Variants in ADARB2 observed in about 807,000 individuals in gnomAD.
ADARB2 encodes inactive double-stranded RNA-specific editase B2.
A neutral mutation model predicts 62.2 loss-of-function variants in ADARB2; 25 were observed. That is an observed-to-expected ratio of 0.40 (90% CI 0.29 to 0.56). The LOEUF (loss-of-function observed/expected upper bound fraction) is 0.56, where lower values mean the gene tolerates loss of function less well. ADARB2 is among the 20% of genes least tolerant of loss of function. The pLI is 0.43. For missense variants in ADARB2, 1,071 were observed against 1,077.4 expected (o/e 0.99, Z 0.08); for synonymous variants, 572 against 500.8 (o/e 1.14, Z -1.90).
chr10:1,287,282 T>C (rs572684358), intron 3 of ADARB2, among the ~76,000 whole-genome samples: 161 of 152,356 alleles, frequency 1.1e-3, no homozygotes, highest in Non-Finnish European at 1.9e-3. Context: ...AAATAATAAT[T>C]GTATATATGT....
chr10:1,626,794 A>G (rs1833775767), intron 1 of ADARB2, among the ~76,000 whole-genome samples: 1 of 152,214 alleles, frequency 6.6e-6, no homozygotes, highest in Admixed American at 6.5e-5. Context: ...CCCGATTGTT[A>G]CATGTTGTAT....
chr10:1,485,672 C>G (rs1336452197), intron 1 of ADARB2, among the ~76,000 whole-genome samples: 1 of 152,204 alleles, frequency 6.6e-6, no homozygotes, highest in East Asian at 1.9e-4. Context: ...CTTGTCACAA[C>G]ACGTGCCCCG....
chr10:1,701,960 T>C (rs556500543), intron 1 of ADARB2, among the ~76,000 whole-genome samples: 2 of 152,244 alleles, frequency 1.3e-5, no homozygotes, highest in African/African-American at 4.8e-5. Flanking sequence ...TAGAGGCGTG[T>C]GTATGCTTGG....
chr10:1,458,723 CTACAT>C (rs1264734250), intron 1 of ADARB2, among the ~76,000 whole-genome samples: 1 of 152,200 alleles, frequency 6.6e-6, no homozygotes, highest in East Asian at 1.9e-4. Flanking sequence ...CGGTAGCCAC[CTACAT>C]GAACCTCATG....
chr10:1,258,530 A>C lies in ADARB2; in HGVS notation c.1192+12425T>G, dbSNP rs530215505. Reference sequence around the variant, plus strand: ...CTCTAATAAAACAGTCTTTAAACCAACAAAGATCAAAAGAGACAAAGAAGG... The same window carrying C: ...CTCTAATAAAACAGTCTTTAAACCACCAAAGATCAAAAGAGACAAAGAAGG... On this transcript the variant is annotated intron_variant, in intron 4 of 9. Coordinates refer to ENST00000381312, the MANE Select transcript of ADARB2 (RefSeq NM_018702.4). Among the ~76,000 whole-genome samples, 383 of 152,342 alleles carry C rather than the reference A, an allele frequency of 2.5e-3. 2 individuals are homozygous for C. The highest frequency in any genetic ancestry group is 8.8e-3 in the African/African-American group (366 of 41,580).
chr10:1,362,793 C>T (rs1276997776), intron 3 of ADARB2, among the ~76,000 whole-genome samples: 1 of 152,224 alleles, frequency 6.6e-6, no homozygotes, highest in Non-Finnish European at 1.5e-5. Flanking sequence ...TGGCCGCTCC[C>T]CACCCGGCCT....
chr10:1,559,813 C>T (rs928112659), intron 1 of ADARB2, among the ~76,000 whole-genome samples: 13 of 152,190 alleles, frequency 8.5e-5, no homozygotes, highest in African/African-American at 2.9e-4. Flanking sequence ...AATGATAGGA[C>T]TAAGCAAGCA....
chr10:1,356,373 G>A (rs1052457207), intron 3 of ADARB2, among the ~76,000 whole-genome samples: 2 of 152,238 alleles, frequency 1.3e-5, no homozygotes, highest in Admixed American at 1.3e-4. Flanking sequence ...GCAGCCAGCT[G>A]GGGTGGAAGG....
intron 1 of ADARB2, chr10:1,675,522 A>G: frequency 1.0e-6 from 1 of 967,564 alleles, no homozygotes; most frequent in Admixed American, 6.2e-5. Context: ...GGATGCGTGG[A>G]TGTTCAGGAG....
At chr10:1,471,365 G>C (rs980452138) in intron 1 of ADARB2, among the ~76,000 whole-genome samples, 3 of 152,110 alleles carry the variant, frequency 2.0e-5, no homozygotes, top group African/African-American at 7.2e-5. Flanking sequence ...GGGGGGCCGG[G>C]AGTAAAACTA....
intron 1 of ADARB2, among the ~76,000 whole-genome samples, chr10:1,721,238 T>C (rs913791290): frequency 2.0e-5 from 3 of 152,218 alleles, no homozygotes; most frequent in African/African-American, 7.2e-5. Flanking sequence ...AAGTCACTTT[T>C]TAAAAATAAA....
At position 1,180,490 on chromosome 10, in the gene ADARB2, G is replaced by A. The variant is rs1417137518; in HGVS notation, c.*2703C>T. 2.6e-5 allele frequency: 4 copies of A among 152,794 alleles called. No individual in the cohort carries two copies. Among genetic ancestry groups the A allele is most frequent in the Non-Finnish European group, 5.8e-5 (4 of 68,536 alleles). 9.5% of individuals were successfully genotyped at this position (152,794 alleles called of 1,614,324 possible). On this transcript the variant is annotated 3_prime_UTR_variant, in exon 10 of 10. Transcript: ENST00000381312. The stretch of plus-strand genomic sequence containing the variant: ...CCCCTTCGGGCACTCCTGGCACTGT[G>A]GAATCCTAGGACCTGGCCCTTCCTG...
chr10:1,316,917 C>T (rs912727554), intron 3 of ADARB2, among the ~76,000 whole-genome samples: 2 of 152,192 alleles, frequency 1.3e-5, no homozygotes, highest in African/African-American at 4.8e-5. Flanking sequence ...GTTTTGTGTG[C>T]GTGTGTCTGT....
intron 8 of ADARB2, among the ~76,000 whole-genome samples, chr10:1,189,826 G>GTTCACAGCACAA (rs1564215050): frequency 1.0e-5 from 1 of 97,986 alleles, no homozygotes; most frequent in African/African-American, 4.8e-5. Flanking sequence ...TCCTTCCCCA[G>GTTCACAGCACAA]AACACGTGGC....
At chr10:1,485,485 T>C (rs1264435878) in intron 1 of ADARB2, among the ~76,000 whole-genome samples, 1 of 152,012 alleles carries the variant, frequency 6.6e-6, no homozygotes, top group Non-Finnish European at 1.5e-5. Flanking sequence ...ACCACGCAGC[T>C]CCGCACGCAG....
chr10:1,351,454 C>T (rs56316168), intron 3 of ADARB2, among the ~76,000 whole-genome samples: 3 of 151,248 alleles, frequency 2.0e-5, no homozygotes, highest in Admixed American at 6.6e-5. Context: ...TTAGACAATA[C>T]TCTTTTAAGT....
intron 1 of ADARB2, among the ~76,000 whole-genome samples, chr10:1,501,182 C>T (rs569999687): frequency 1.3e-5 from 2 of 152,242 alleles, no homozygotes; most frequent in South Asian, 2.1e-4. Flanking sequence ...CTCTAGTGTA[C>T]CTTTTTAAAG....
chr10:1,567,220 G>A (rs1406542659), intron 1 of ADARB2, among the ~76,000 whole-genome samples: 1 of 151,986 alleles, frequency 6.6e-6, no homozygotes, highest in East Asian at 1.9e-4. Flanking sequence ...TGATGCCTGT[G>A]CATTTGGAAG....
intron 1 of ADARB2, among the ~76,000 whole-genome samples, chr10:1,413,703 C>T (rs1462092449): frequency 6.6e-6 from 1 of 152,226 alleles, no homozygotes; most frequent in Non-Finnish European, 1.5e-5. Context: ...CCAGCGACCT[C>T]TCAGCCTCAC....
Sources: gnomAD v4.1 joint callset for allele counts (sites outside exome capture counted in the v4.1 genomes callset) on GRCh38, gnomAD v4.1.1 for gene constraint, MANE v1.5 for transcripts, NCBI Gene and HGNC (gene_info 2026-07-23, HGNC 2026-07-21) for gene names.